PRELID2: variants seen among roughly 807,000 people sequenced by gnomAD.
PRELID2 encodes PRELI domain containing 2, also known as PRELI domain-containing protein 2.
In PRELID2, 25 loss-of-function variants were observed where a neutral mutation model predicts 28.4. That is an observed-to-expected ratio of 0.88 (90% CI 0.64 to 1.23). The LOEUF (loss-of-function observed/expected upper bound fraction) is 1.23, where lower values mean the gene tolerates loss of function less well. PRELID2 is among the 50% of genes most tolerant of loss of function. PRELID2 has a pLI of 0.00. For synonymous variants in PRELID2, 76 were observed against 71.6 expected (o/e 1.06, Z -0.31); for missense variants, 201 against 214.4 (o/e 0.94, Z 0.39).
the PRELID2 span, among the ~76,000 whole-genome samples, chr5:145,415,775 T>A: frequency 6.6e-6 from 1 of 152,028 alleles, no homozygotes; most frequent in Non-Finnish European, 1.5e-5. Flanking sequence ...GCATGATTTA[T>A]AGTCCTTTGG....
the PRELID2 span, among the ~76,000 whole-genome samples, chr5:145,408,596 T>C: frequency 1.3e-5 from 2 of 151,328 alleles, no homozygotes; most frequent in East Asian, 1.9e-4. Flanking sequence ...AGGGATAGAA[T>C]AGATCAAGTG....
At chr5:145,467,617 G>A (rs1752013720), downstream of PRELID2, among the ~76,000 whole-genome samples, 2 of 151,986 alleles carry the variant, frequency 1.3e-5, no homozygotes, top group Admixed American at 1.3e-4. Context: ...TCCTCAAGAA[G>A]GAAACAGAAG....
chr5:145,605,368 T>C (rs1753489937), intron 1 of PRELID2, among the ~76,000 whole-genome samples: 1 of 152,108 alleles, frequency 6.6e-6, no homozygotes, highest in Non-Finnish European at 1.5e-5. Context: ...AAGGAAGGGG[T>C]CAGGCAAAAA....
the PRELID2 span, among the ~76,000 whole-genome samples, chr5:145,239,270 T>C: frequency 6.6e-6 from 1 of 152,038 alleles, no homozygotes; most frequent in Non-Finnish European, 1.5e-5. Context: ...AATTAAATGT[T>C]AAAAAGGGGC....
chr5:145,576,972 C>A (rs914171642), intron 1 of PRELID2, among the ~76,000 whole-genome samples: 1 of 152,098 alleles, frequency 6.6e-6, no homozygotes. Context: ...CCATAAAATT[C>A]TGTCCAGCAT....
chr5:145,566,442 TAA>T (rs925847913), intron 1 of PRELID2, among the ~76,000 whole-genome samples: 11 of 149,956 alleles, frequency 7.3e-5, no homozygotes, highest in African/African-American at 2.7e-4. Flanking sequence ...TGAGAAGCAA[TAA>T]AGAGACACAA....
chr5:145,422,719 C>T, the PRELID2 span, among the ~76,000 whole-genome samples: 1 of 151,900 alleles, frequency 6.6e-6, no homozygotes. Context: ...TTAATTGGAG[C>T]ATTTAGTCCA....
In PRELID2 at chr5:145,595,167, C is replaced by CACACACACATACACACACACACACACAT. The variant is rs753817866; in HGVS notation, n.71-121853_71-121852insATGTGTGTGTGTGTGTGTATGTGTGTGT. ...AAGAAGAAGAGTCATAATAGACACA[C>CACACACACATACACACACACACACACAT]ACACACACACACACACACACACACA... is the stretch of plus-strand genomic sequence containing the variant. On this transcript the variant is annotated intron_variant and non_coding_transcript_variant, in intron 1 of 2. Coordinates refer to the PRELID2 transcript ENST00000510259. Among the ~76,000 whole-genome samples, 170 of 145,190 alleles carry CACACACACATACACACACACACACACAT rather than the reference C, an allele frequency of 1.2e-3. 1 individual carries two copies. The highest frequency in any genetic ancestry group is 6.9e-3 in the Middle Eastern group (2 of 290).
At chr5:145,502,702 C>T (rs1752370263) in intron 1 of PRELID2, among the ~76,000 whole-genome samples, 1 of 152,154 alleles carries the variant, frequency 6.6e-6, no homozygotes, top group African/African-American at 2.4e-5. Flanking sequence ...TGATACATAG[C>T]AACCACTCAA....
chr5:145,487,138 G>A (rs1032719087), intron 1 of PRELID2, among the ~76,000 whole-genome samples: 1 of 148,966 alleles, frequency 6.7e-6, no homozygotes, highest in African/African-American at 2.5e-5. Context: ...TATACCTAAT[G>A]CTAGATGATG....
chr5:145,409,557 C>A, the PRELID2 span, among the ~76,000 whole-genome samples: 220 of 152,008 alleles, frequency 1.4e-3, 1 homozygote, highest in African/African-American at 5.2e-3. Context: ...AAACAAAAAA[C>A]AAGCAATAGT....
the PRELID2 span, among the ~76,000 whole-genome samples, chr5:145,368,436 C>T: frequency 2.6e-5 from 4 of 151,916 alleles, no homozygotes; most frequent in East Asian, 3.9e-4. Context: ...CCAAACCAAA[C>T]TGATGCATTT....
the PRELID2 span, among the ~76,000 whole-genome samples, chr5:145,265,937 C>T: frequency 6.6e-6 from 1 of 152,046 alleles, no homozygotes; most frequent in East Asian, 1.9e-4. Flanking sequence ...AAAGCAAATG[C>T]AACAAAAACA....
the PRELID2 span, among the ~76,000 whole-genome samples, chr5:145,405,699 G>GT: frequency 0.097 from 4,455 of 45,726 alleles, 289 homozygotes; most frequent in South Asian, 0.21. Context: ...GTACCACATA[G>GT]TTGTTTTTTT....
chr5:145,766,231 T>G (rs949851129), intron 5 of PRELID2, among the ~76,000 whole-genome samples: 7 of 152,130 alleles, frequency 4.6e-5, no homozygotes, highest in Non-Finnish European at 1.0e-4. Context: ...TGAGAATTCT[T>G]GCAGAGAAGA....
intron 1 of PRELID2, among the ~76,000 whole-genome samples, chr5:145,673,355 A>G (rs1212260325): frequency 6.6e-6 from 1 of 152,190 alleles, no homozygotes; most frequent in Non-Finnish European, 1.5e-5. Flanking sequence ...GGCCAACTTC[A>G]TAAGTGTATG....
chr5:145,780,568 C>T (rs186802158), intron 5 of PRELID2, among the ~76,000 whole-genome samples: 20 of 152,250 alleles, frequency 1.3e-4, no homozygotes, highest in African/African-American at 4.6e-4. Flanking sequence ...AAAATATTTA[C>T]ATGCAGGTAG....
At chr5:145,792,036 A>T (rs1752431188) in intron 5 of PRELID2, among the ~76,000 whole-genome samples, 2 of 152,048 alleles carry the variant, frequency 1.3e-5, no homozygotes, top group Admixed American at 1.3e-4. Flanking sequence ...GCCCATTCCA[A>T]GCTCCTCTCT....
intron 1 of PRELID2, among the ~76,000 whole-genome samples, chr5:145,528,690 TACACACACACACACACAC>T (rs34302691): frequency 3.1e-5 from 4 of 129,694 alleles, no homozygotes; most frequent in Non-Finnish European, 1.6e-5. Flanking sequence ...CATTCTAAAC[TACACACACACACACACAC>T]ACACACACAC....
Sources: gnomAD v4.1 joint callset for allele counts (sites outside exome capture counted in the v4.1 genomes callset) on GRCh38, gnomAD v4.1.1 for gene constraint, MANE v1.5 for transcripts, NCBI Gene and HGNC (gene_info 2026-07-23, HGNC 2026-07-21) for gene names.